HHIPL1: variants seen among roughly 807,000 people sequenced by gnomAD.
HHIPL1 encodes the protein HHIP-like protein 1.
A neutral mutation model predicts 61.8 loss-of-function variants in HHIPL1; 43 were observed. The ratio of observed to expected loss-of-function variants is 0.70; its 90% CI spans 0.55 to 0.90. The LOEUF (loss-of-function observed/expected upper bound fraction) is 0.90, where lower values mean the gene tolerates loss of function less well. Ranked by LOEUF, HHIPL1 falls within the 40% of genes least tolerant of loss-of-function variation. HHIPL1 has a pLI of 0.00. For missense variants in HHIPL1, 1,056 were observed against 1,157.7 expected (o/e 0.91, Z 1.28); for synonymous variants, 482 against 515.8 (o/e 0.93, Z 0.89).
rs1283049219 is a variant in HHIPL1 at position 99,652,579 on chromosome 14, A to C, written c.611A>C (p.Asp204Ala). ...RNPVAMVHAR[D>A]GTHRFFVAEQ... is the part of the protein sequence containing the mutation. ...CCCGTGGCCATGGTCCATGCCAGGG[A>C]TGGCACCCACCGCTTCTTCGTGGCC... The change falls in exon 2 of 9, where the codon GAT (aspartate) becomes GCT (alanine). Residue 204 changes from aspartate (D) to alanine (A), a missense_variant. Asp to Ala is a moderately radical substitution (Grantham distance 126, BLOSUM62 -2). Transcript: ENST00000330710. 1 of 1,613,050 alleles carries C rather than the reference A, an allele frequency of 6.2e-7. No homozygotes were observed. Among genetic ancestry groups the C allele is most frequent in the Non-Finnish European group, 8.5e-7 (1 of 1,179,904 alleles).
intron 1 of HHIPL1, among the ~76,000 whole-genome samples, chr14:99,647,126 C>T (rs534783610): frequency 1.3e-5 from 2 of 152,180 alleles, no homozygotes; most frequent in East Asian, 3.9e-4. Context: ...ACATGGACCA[C>T]ACTCGCTGAA....
rs531188003 is a variant in HHIPL1 at position 99,675,179 on chromosome 14, C to A, written c.1902C>A (p.Pro634=). 4.1e-4 allele frequency: 457 copies of A among 1,127,144 alleles called. No individual in the cohort carries two copies. The African/African-American group carries it at 6.9e-3, about 17-fold the overall frequency. 69.8% of individuals were successfully genotyped at this position (1,127,144 alleles called of 1,614,324 possible). A position where few individuals can be genotyped will look rare whatever the true frequency, so the allele number is the denominator to read the frequency against. Residue 634 remains proline (P), a synonymous_variant, in exon 9 of 9, where the codon CCC becomes CCA. Transcript: ENST00000330710. This position sits in a 1 kb window ranked among gnomAD's most constrained non-coding sequence, Gnocchi z 5.4. Reference sequence around the variant, plus strand: ...GCCGAGGGCGCCCCACGGCCGCTCCCCCCGCGCCAACCCCGCGGCCAGCGC... The same window carrying A: ...GCCGAGGGCGCCCCACGGCCGCTCCACCCGCGCCAACCCCGCGGCCAGCGC... ...APRRGRPTAA[P]PAPTPRPARP...
chr14:99,664,596 G>A (rs888257792), intron 6 of HHIPL1, among the ~76,000 whole-genome samples: 1 of 152,040 alleles, frequency 6.6e-6, no homozygotes, highest in African/African-American at 2.4e-5. Flanking sequence ...GGGGTCCAAC[G>A]CAAACAAACC....
intron 3 of HHIPL1, among the ~76,000 whole-genome samples, chr14:99,657,911 A>C (rs1185770119): frequency 6.6e-6 from 1 of 151,654 alleles, no homozygotes; most frequent in Non-Finnish European, 1.5e-5. Context: ...CCACATGTAC[A>C]CACACATACA....
At chr14:99,634,469 A>G in the HHIPL1 span, among the ~76,000 whole-genome samples, 2 of 152,216 alleles carry the variant, frequency 1.3e-5, no homozygotes, top group African/African-American at 4.8e-5. Flanking sequence ...CAGAGCATGC[A>G]GAGTTGTTTC....
chr14:99,629,662 TA>T, the HHIPL1 span, among the ~76,000 whole-genome samples: 1 of 9,692 alleles, frequency 1.0e-4, no homozygotes, highest in African/African-American at 1.2e-4. Context: ...CACGCCCGGC[TA>T]ATTTTTTTTT....
chr14:99,637,000 GAAGAAAGAAAGAAAGAAAGAAAGAAAGA>G, the HHIPL1 span, among the ~76,000 whole-genome samples: 4 of 77,004 alleles, frequency 5.2e-5, no homozygotes, highest in Non-Finnish European at 7.1e-5. Flanking sequence ...AAGAAAGAAA[GAAGAAAGAAAGAAAGAAAGAAAGAAAGA>G]AAGAAAGAAA....
the HHIPL1 span, among the ~76,000 whole-genome samples, chr14:99,620,767 A>C: frequency 6.6e-6 from 1 of 152,220 alleles, no homozygotes; most frequent in South Asian, 2.1e-4. Flanking sequence ...CTCTGCCTGC[A>C]GAACGTAGGG....
At chr14:99,641,122 G>T (rs1419350447), upstream of HHIPL1, among the ~76,000 whole-genome samples, 1 of 151,558 alleles carries the variant, frequency 6.6e-6, no homozygotes, top group African/African-American at 2.4e-5. Flanking sequence ...CCTGACCTCA[G>T]GTGATCCACC....
At chr14:99,645,520 A>G in intron 1 of HHIPL1, 58 bp downstream of exon 1, 1 of 1,247,088 alleles carries the variant, frequency 8.0e-7, no homozygotes, top group Non-Finnish European at 1.0e-6. Context: ...GTCCTGGAGC[A>G]GAGATCGGAA....
chr14:99,610,481 C>T, the HHIPL1 span, among the ~76,000 whole-genome samples: 1 of 152,138 alleles, frequency 6.6e-6, no homozygotes, highest in Non-Finnish European at 1.5e-5. Flanking sequence ...GTGTTTAGAC[C>T]AGGCACGGTG....
intron 1 of HHIPL1, among the ~76,000 whole-genome samples, chr14:99,652,018 G>A (rs1159231472): frequency 6.6e-6 from 1 of 152,182 alleles, no homozygotes; most frequent in Admixed American, 6.5e-5. Context: ...AATAGGAGTA[G>A]TAATAGTGTT....
rs79766408 is a variant in HHIPL1, at chr14:99,649,114, G to A, written c.256-3110G>A. 2.2e-3 allele frequency among the ~76,000 whole-genome samples: 333 copies of A among 152,284 alleles called. 1 individual carries two copies. The highest frequency in any genetic ancestry group is 7.2e-3 in the African/African-American group (300 of 41,536). ...CACTTCCTAGCTCTGGACTACCCTGGTCTGGGCACCACATTTACGTCGTGT... is the reference window on the plus strand; with the variant it reads ...CACTTCCTAGCTCTGGACTACCCTGATCTGGGCACCACATTTACGTCGTGT... On this transcript the variant is annotated intron_variant, in intron 1 of 8. Transcript: ENST00000330710.
At position 99,668,902 on chromosome 14, in the gene HHIPL1, C is replaced by G; in HGVS notation, c.1730+599C>G. ...CGTGTGCAGCTCATTGACGTCTCAG[C>G]CGTTCATTTTACAGTGGTGGAAATG... is the stretch of plus-strand genomic sequence containing the variant. On this transcript the variant is annotated intron_variant, in intron 7 of 8. Coordinates refer to ENST00000330710, the MANE Select transcript of HHIPL1 (RefSeq NM_001127258.3). The surrounding 1 kb of genome is among the most constrained non-coding windows in gnomAD (Gnocchi z 4.7). 6.2e-7 allele frequency: 1 copy of G among 1,613,536 alleles called. No homozygotes were observed. Among genetic ancestry groups the G allele is most frequent in the Non-Finnish European group, 8.5e-7 (1 of 1,179,476 alleles).
intron 1 of HHIPL1, among the ~76,000 whole-genome samples, chr14:99,645,841 G>C (rs1401968355): frequency 2.6e-5 from 4 of 152,198 alleles, no homozygotes; most frequent in Non-Finnish European, 4.4e-5. Context: ...CCAAGGTGGA[G>C]AGGCATCTGT....
At position 99,652,506 on chromosome 14, in the gene HHIPL1, G is replaced by GTA; in HGVS notation, c.538_539insTA (p.Gly180ValfsTer55). The GTA allele has an allele frequency of 6.2e-7, 1 of 1,613,746 alleles. No individual in the cohort carries two copies. The highest frequency in any genetic ancestry group is 8.5e-7 in the Non-Finnish European group (1 of 1,180,032). ...GGGCCACGTGGTAGCCGATGCCAAG[G>GTA]GCTGCCTGCAGCTGTGCCTGGAGGA... On this transcript the variant is annotated frameshift_variant, in exon 2 of 9. Coordinates refer to ENST00000330710, the MANE Select transcript of HHIPL1 (RefSeq NM_001127258.3). LOFTEE classifies it high-confidence loss of function.
chr14:99,646,141 C>G (rs2055830256), intron 1 of HHIPL1, among the ~76,000 whole-genome samples: 1 of 152,280 alleles, frequency 6.6e-6, no homozygotes, highest in Admixed American at 6.5e-5. Flanking sequence ...GGAGCCCCTG[C>G]TTCTGTGCAC....
upstream of HHIPL1, among the ~76,000 whole-genome samples, chr14:99,643,976 G>A (rs1228635855): frequency 6.6e-6 from 1 of 152,208 alleles, no homozygotes; most frequent in Non-Finnish European, 1.5e-5. Context: ...ACTTCACTGA[G>A]CCCTGTATGG....
At chr14:99,638,764 T>G in the HHIPL1 span, among the ~76,000 whole-genome samples, 1 of 152,340 alleles carries the variant, frequency 6.6e-6, no homozygotes, top group East Asian at 1.9e-4. Context: ...ACTGGGACAC[T>G]TCTCAGCCCC....
Sources: allele counts gnomAD v4.1 joint callset (sites outside exome capture counted in the v4.1 genomes callset), GRCh38; gene constraint gnomAD v4.1.1; non-coding constraint Gnocchi (gnomAD v3.1); transcripts MANE v1.5; gene names NCBI Gene and HGNC (gene_info 2026-07-23, HGNC 2026-07-21).